The following CASK variants were observed in gnomAD, a reference collection of about 807,000 sequenced individuals.
CASK encodes peripheral plasma membrane protein CASK.
In CASK, 4 loss-of-function variants were observed where a neutral mutation model predicts 82.9. That is an observed-to-expected ratio of 0.05 (90% CI 0.02 to 0.11). The LOEUF (loss-of-function observed/expected upper bound fraction) is 0.11. Among genes scored for constraint, CASK ranks in the 10% least tolerant of loss-of-function variants. The pLI is 1.00. For synonymous variants in CASK, 259 were observed against 253.5 expected (o/e 1.02, Z -0.20); for missense variants, 358 against 720.9 (o/e 0.50, Z 5.76).
intron 1 of CASK, among the ~76,000 whole-genome samples, chrX:41,918,148 A>G (rs750448998): frequency 8.9e-6 from 1 of 112,238 alleles, no homozygotes; most frequent in East Asian, 2.8e-4. Context: ...TACAAAGTCT[A>G]GTTAAAATTT....
rs1486288807 is a variant in CASK at position 41,569,743 on chromosome X, T to G, written c.1507A>C (p.Ile503Leu). Reference protein sequence around the residue: ...FQKNTDEPMGITLKMNELNHC... With the variant: ...FQKNTDEPMGLTLKMNELNHC... ...TTTAGTTCATTCATTTTTAAAGTGA[T>G]TCCCTGTTAAAAAAAAAATAAAAAG... The change falls in exon 16 of 27, where the codon ATC becomes CTC. Residue 503 changes from isoleucine to leucine, a missense_variant. Around this residue, in one of 5 missense-constraint regions of CASK, gnomAD observed 110 missense variants for 218.8 expected, o/e 0.50. Transcript: ENST00000378163. The G allele has an allele frequency of 9.2e-7, 1 of 1,089,581 alleles. No homozygotes were observed. The highest frequency in any genetic ancestry group is 2.3e-5 in the Admixed American group (1 of 44,220). 89.8% of individuals were successfully genotyped at this position (1,089,581 alleles called of 1,213,427 possible).
At chrX:41,708,104 G>C (rs1444957882) in intron 5 of CASK, among the ~76,000 whole-genome samples, 8 of 95,442 alleles carry the variant, frequency 8.4e-5, no homozygotes, top group Non-Finnish European at 1.4e-4. Context: ...GCGACAGAGC[G>C]AGACTCCATC....
At chrX:41,600,050 A>G (rs1448246207) in intron 12 of CASK, among the ~76,000 whole-genome samples, 5 of 111,973 alleles carry the variant, frequency 4.5e-5, no homozygotes, top group Non-Finnish European at 3.8e-5. Context: ...TTAAGCAACT[A>G]CAAGAGTTAA....
At chrX:41,646,613 C>A in intron 8 of CASK, among the ~76,000 whole-genome samples, 1 of 111,568 alleles carries the variant, frequency 9.0e-6, no homozygotes, top group East Asian at 2.8e-4. Context: ...GAAAAGAAAA[C>A]TATTTCGACT....
intron 2 of CASK, among the ~76,000 whole-genome samples, chrX:41,844,623 C>T (rs1199117893): frequency 2.7e-5 from 3 of 111,389 alleles, no homozygotes; most frequent in Non-Finnish European, 5.7e-5. Flanking sequence ...AAAGCCTACT[C>T]AATTTTATTT....
At chrX:41,551,148 C>G (rs192207408) in intron 21 of CASK, among the ~76,000 whole-genome samples, 1 of 111,679 alleles carries the variant, frequency 9.0e-6, no homozygotes, top group African/African-American at 3.3e-5. Context: ...CAGAGACTTT[C>G]TGTTTATACC....
In CASK at chrX:41,595,303, TAA is replaced by T. The variant is rs913442696; in HGVS notation, c.1156-5713_1156-5712del. 3.6e-5 allele frequency among the ~76,000 whole-genome samples: 4 copies of T among 112,240 alleles called. No individual in the cohort carries two copies. In the Admixed American group the frequency reaches 3.8e-4, roughly 11 times the overall value. On this transcript the variant is annotated intron_variant, in intron 12 of 26. Transcript: ENST00000378163. ...GACTTACTTTATACAACTTTCAAGG[TAA>T]AAGAGACCTTAGGGCTGGGTGTGGT...
At chrX:41,880,981 C>G (rs2071940642) in intron 1 of CASK, among the ~76,000 whole-genome samples, 1 of 111,501 alleles carries the variant, frequency 9.0e-6, no homozygotes. Flanking sequence ...CCTCATCTCT[C>G]AATACCATCT....
chrX:41,657,838 T>C (rs1369201290), intron 8 of CASK, among the ~76,000 whole-genome samples: 2 of 111,661 alleles, frequency 1.8e-5, no homozygotes, highest in African/African-American at 6.5e-5. Flanking sequence ...CTAAAATCCT[T>C]AGAAACGCCA....
intron 2 of CASK, among the ~76,000 whole-genome samples, chrX:41,794,734 T>G (rs746591811): frequency 1.8e-5 from 2 of 112,564 alleles, no homozygotes; most frequent in African/African-American, 6.5e-5. Context: ...TACACGTTCT[T>G]CAATAAAATT....
intron 8 of CASK, among the ~76,000 whole-genome samples, chrX:41,643,726 C>T (rs1391934409): frequency 1.4e-4 from 16 of 111,829 alleles, no homozygotes. Context: ...CAAACAGGGA[C>T]AATTTGACTT....
chrX:41,761,695 T>C (rs1170394659), intron 3 of CASK, among the ~76,000 whole-genome samples: 1 of 111,774 alleles, frequency 8.9e-6, no homozygotes, highest in Non-Finnish European at 1.9e-5. Context: ...CAGGAGAATA[T>C]CCCATATGCC....
At chrX:41,864,218 G>A (rs891212720) in intron 1 of CASK, among the ~76,000 whole-genome samples, 20 of 111,066 alleles carry the variant, frequency 1.8e-4, no homozygotes, top group African/African-American at 6.2e-4. Flanking sequence ...TCACCAATAC[G>A]CCTCTCTCTA....
intron 2 of CASK, among the ~76,000 whole-genome samples, chrX:41,818,145 CTGTGTG>C (rs59931187): frequency 0.088 from 7,532 of 85,271 alleles, 306 homozygotes; most frequent in Middle Eastern, 0.17. Context: ...AGGAGGCCTT[CTGTGTG>C]TGTGTGTGTG....
chrX:41,609,820 G>T, intron 12 of CASK, 84 bp downstream of exon 12: 3 of 1,046,421 alleles, frequency 2.9e-6, no homozygotes, highest in Non-Finnish European at 4.0e-6. Context: ...GCCTCCCAAA[G>T]TGCTTGGACT....
intron 9 of CASK, among the ~76,000 whole-genome samples, chrX:41,633,035 C>A (rs2066495823): frequency 1.1e-5 from 1 of 89,555 alleles, no homozygotes; most frequent in African/African-American, 4.1e-5. Flanking sequence ...TGGAGTAAGA[C>A]TCTCTCAAAA....
At chrX:41,909,611 T>A (rs2072526193) in intron 1 of CASK, among the ~76,000 whole-genome samples, 1 of 110,593 alleles carries the variant, frequency 9.0e-6, no homozygotes, top group African/African-American at 3.3e-5. Flanking sequence ...CATGTTCTTG[T>A]TTTGTTTTTT....
chrX:41,582,623 T>C (rs1478706408), intron 14 of CASK, among the ~76,000 whole-genome samples: 1 of 111,994 alleles, frequency 8.9e-6, no homozygotes, highest in Non-Finnish European at 1.9e-5. Flanking sequence ...TTATTTTATA[T>C]ATTAAAAAAA....
chrX:41,703,375 C>T (rs2067834631), intron 5 of CASK, among the ~76,000 whole-genome samples: 1 of 112,411 alleles, frequency 8.9e-6, no homozygotes, highest in Non-Finnish European at 1.9e-5. Flanking sequence ...GTGTATATCA[C>T]TCTGACGTAT....
Sources: gnomAD v4.1 joint callset for allele counts (sites outside exome capture counted in the v4.1 genomes callset) on GRCh38, gnomAD v4.1.1 for gene constraint, gnomAD v4.1.1 regional missense constraint, MANE v1.5 for transcripts, NCBI Gene and HGNC (gene_info 2026-07-23, HGNC 2026-07-21) for gene names.